CCNT2: variants seen among roughly 807,000 people sequenced by gnomAD.
CCNT2 encodes cyclin-T2.
CCNT2 carries 18 observed loss-of-function variants against 70.0 expected under a neutral mutation model. The ratio of observed to expected loss-of-function variants is 0.26; its 90% CI spans 0.18 to 0.38. The LOEUF is 0.38. Among genes scored for constraint, CCNT2 ranks in the 10% least tolerant of loss-of-function variants. The probability of loss-of-function intolerance (pLI) is 1.00; values close to 1 mark genes in which losing one functional copy is unlikely to be tolerated. For missense variants in CCNT2, 734 were observed against 890.2 expected (o/e 0.82, Z 2.23); for synonymous variants, 334 against 313.3 (o/e 1.07, Z -0.70).
At chr2:134,949,515 T>C (rs1682273509) in intron 7 of CCNT2, among the ~76,000 whole-genome samples, 1 of 152,228 alleles carries the variant, frequency 6.6e-6, no homozygotes, top group Non-Finnish European at 1.5e-5. Flanking sequence ...TTGTGAAATA[T>C]GCTTCTTTGT....
rs1451565603 is a variant in CCNT2, at chr2:134,953,373, A to G, written c.918A>G (p.Thr306=). The G allele has an allele frequency of 5.6e-6, 9 of 1,602,290 alleles. No homozygotes were observed. The highest frequency in any genetic ancestry group is 1.3e-5 in the African/African-American group (1 of 74,276). The change falls in exon 9 of 9, where the codon ACA becomes ACG. Residue 306 remains threonine, a synonymous_variant. Transcript: ENST00000264157. ...ACCCAAGTTTTCAGAAACCATCTAC[A>G]TCAGCATTCCCTGCGCCAGTACCTC... ...PTNPSFQKPS[T]SAFPAPVPLN...
intron 2 of CCNT2, chr2:134,920,182 A>T (rs902263351): frequency 4.0e-6 from 1 of 248,068 alleles, no homozygotes; most frequent in Non-Finnish European, 7.8e-6. Flanking sequence ...TTCTATACTT[A>T]ACATTTGAAT....
Position 134,954,635 on chromosome 2 carries a change from G to C in CCNT2, c.2180G>C (p.Gly727Ala), listed in dbSNP as rs143713034. 4.4e-6 allele frequency: 7 copies of C among 1,593,488 alleles called. No homozygotes were observed. The African/African-American group carries it at 8.1e-5, about 18-fold the overall frequency. ...CTGGACTCACTGTTAAGTGCCCAAG[G>C]AATGAACATGTAATAATTTGTTTAG... The part of the protein sequence containing the change: ...DMLDSLLSAQ[G>A]MNM Residue 727 changes from glycine (G) to alanine (A), a missense_variant, in exon 9 of 9, where the codon GGA (glycine) becomes GCA (alanine). By Grantham distance (60) the Gly-to-Ala change is moderately conservative. This residue lies in a region of CCNT2 where 532 missense variants were observed against 556.9 expected (regional missense o/e 0.96). Coordinates refer to ENST00000264157, the MANE Select transcript of CCNT2 (RefSeq NM_058241.3).
At chr2:134,950,338 G>C (rs1041827054) in intron 7 of CCNT2, among the ~76,000 whole-genome samples, 3 of 152,090 alleles carry the variant, frequency 2.0e-5, no homozygotes, top group African/African-American at 7.2e-5. Context: ...TTTTGCAGCA[G>C]CTTTTTTTTC....
rs1165489168 is a variant in CCNT2 at position 134,957,247 on chromosome 2, AT to A, written c.*2601del. Reference sequence around the variant, plus strand: ...AGAAAGACTCTGATGAGTGGACATTATTACTGTGACTCTTGTAAGTAGCCAT... The same window carrying A: ...AGAAAGACTCTGATGAGTGGACATTATACTGTGACTCTTGTAAGTAGCCAT... On this transcript the variant is annotated 3_prime_UTR_variant, in exon 9 of 9. Coordinates refer to ENST00000264157, the MANE Select transcript of CCNT2 (RefSeq NM_058241.3). 5.3e-5 allele frequency: 8 copies of A among 152,210 alleles called. No homozygotes were observed. 9.4% of individuals were successfully genotyped at this position (152,210 alleles called of 1,614,324 possible).
chr2:134,920,090 A>G (rs1679777531), intron 2 of CCNT2, 199 bp downstream of exon 2: 3 of 484,402 alleles, frequency 6.2e-6, no homozygotes, highest in Non-Finnish European at 1.1e-5. Context: ...AGGCACTGTT[A>G]AGCTCTGCCA....
At chr2:134,939,808 T>G (rs1681436111) in intron 4 of CCNT2, among the ~76,000 whole-genome samples, 1 of 152,204 alleles carries the variant, frequency 6.6e-6, no homozygotes, top group South Asian at 2.1e-4. Context: ...ATTTAAATGT[T>G]GGTCATCCTT....
At chr2:134,946,312 G>A in intron 6 of CCNT2, 166 bp downstream of exon 6, 1 of 1,159,764 alleles carries the variant, frequency 8.6e-7, no homozygotes, top group Non-Finnish European at 1.2e-6. Flanking sequence ...AAGGGACTTT[G>A]GGCACAGAGG....
At chr2:134,950,324 C>T (rs945828637) in intron 7 of CCNT2, among the ~76,000 whole-genome samples, 10 of 152,166 alleles carry the variant, frequency 6.6e-5, no homozygotes, top group Admixed American at 6.5e-4. Context: ...AGACTTTCAC[C>T]ATGTTTTGCA....
Position 134,953,530 on chromosome 2 carries a change from A to G in CCNT2, c.1075A>G (p.Arg359Gly). The G allele has an allele frequency of 6.2e-7, 1 of 1,614,214 alleles. No individual in the cohort carries two copies. The highest frequency in any genetic ancestry group is 8.5e-7 in the Non-Finnish European group (1 of 1,180,036). ...ATGGCCTCAACATCAAGACTCAGCA[A>G]GGACAGAACAGCTATATTCACAGAA... The part of the protein sequence containing the change: ...QEWPQHQDSA[R>G]TEQLYSQKQE... The change falls in exon 9 of 9, where the codon AGG (arginine) becomes GGG (glycine). Residue 359 changes from arginine to glycine, a missense_variant. Physicochemically the swap from Arg to Gly is moderately radical, Grantham distance 125. This residue lies in a region of CCNT2 where 532 missense variants were observed against 556.9 expected (regional missense o/e 0.96). Transcript: ENST00000264157.
chr2:134,937,665 C>G (rs996977187), intron 3 of CCNT2, among the ~76,000 whole-genome samples: 1 of 152,158 alleles, frequency 6.6e-6, no homozygotes, highest in Non-Finnish European at 1.5e-5. Flanking sequence ...CCTGTAATCC[C>G]AGCACTTTGG....
At position 134,954,109 on chromosome 2, in the gene CCNT2, A is replaced by G. The variant is rs1338436544; in HGVS notation, c.1654A>G (p.Ile552Val). Residue 552 changes from isoleucine (I) to valine (V), a missense_variant, in exon 9 of 9, where the codon ATT (isoleucine) becomes GTT (valine). This residue lies in a region of CCNT2 where 532 missense variants were observed against 556.9 expected (regional missense o/e 0.96). Transcript: ENST00000264157. ...SGKSKHSSPH[I>V]SRDHKEKHKE... ...GAAGAGCAAACATTCAAGCCCACAT[A>G]TTAGCAGAGACCATAAGGAGAAGCA... The G allele has an allele frequency of 8.1e-6, 13 of 1,614,204 alleles. No homozygotes were observed. The East Asian group carries it at 2.2e-4, about 28-fold the overall frequency.
chr2:134,929,870 C>G (rs1170229708), intron 2 of CCNT2, among the ~76,000 whole-genome samples: 1 of 151,646 alleles, frequency 6.6e-6, no homozygotes, highest in Non-Finnish European at 1.5e-5. Context: ...AGCCTGGTCT[C>G]GAACTCCTGA....
intron 2 of CCNT2, among the ~76,000 whole-genome samples, chr2:134,925,518 A>G (rs1680228666): frequency 6.6e-6 from 1 of 152,126 alleles, no homozygotes; most frequent in African/African-American, 2.4e-5. Context: ...GGAATCCTAC[A>G]GTATGTTGTC....
In CCNT2 at chr2:134,952,622, A is replaced by AT; in HGVS notation, c.704-16dup. 1 of 1,517,574 alleles carries AT rather than the reference A, an allele frequency of 6.6e-7. No homozygotes were observed. Among genetic ancestry groups the AT allele is most frequent in the Non-Finnish European group, 9.0e-7 (1 of 1,111,810 alleles). The allele number at this position is 1,517,574 out of a possible 1,614,324, so 94.0% of individuals were successfully genotyped here. ...CCTAAAGGCACCTTCTAAGTTTCAA[A>AT]TTTAAATTTTATTTTTAGAGCTAAC... On this transcript the variant is annotated intron_variant, in intron 7 of 8. Transcript: ENST00000264157.
intron 2 of CCNT2, among the ~76,000 whole-genome samples, chr2:134,928,709 A>G (rs1206007818): frequency 6.6e-6 from 1 of 151,940 alleles, no homozygotes; most frequent in East Asian, 1.9e-4. Flanking sequence ...CTAATCTTAA[A>G]CTGAGGGTTC....
chr2:134,946,582 T>G (rs1161118393), intron 6 of CCNT2: 2 of 213,972 alleles, frequency 9.3e-6, no homozygotes, highest in African/African-American at 2.3e-5. Context: ...TAAATAAAAT[T>G]TATGTAATTT....
chr2:134,949,458 G>A (rs1682269251), intron 7 of CCNT2, among the ~76,000 whole-genome samples: 1 of 152,158 alleles, frequency 6.6e-6, no homozygotes, highest in African/African-American at 2.4e-5. Flanking sequence ...ACAAAAATAG[G>A]TGGCCAGCCA....
chr2:134,953,251 C>G lies in CCNT2; in HGVS notation c.796C>G (p.Pro266Ala), dbSNP rs758870300. 1 of 1,608,248 alleles carries G rather than the reference C, an allele frequency of 6.2e-7. No individual in the cohort carries two copies. Among genetic ancestry groups the G allele is most frequent in the Non-Finnish European group, 8.5e-7 (1 of 1,175,080 alleles). ...NWRANQAARK[P>A]KVDGQVSETP... is the part of the protein sequence containing the mutation. ...ATAGGCTAATCAGGCAGCTAGGAAA[C>G]CAAAAGTAGATGGACAGGTATCAGA... The change falls in exon 9 of 9, where the codon CCA becomes GCA. Residue 266 changes from proline (P) to alanine (A), a missense_variant. By Grantham distance (27) the Pro-to-Ala change is conservative. Transcript: ENST00000264157.
Sources: gnomAD v4.1 joint callset for allele counts (sites outside exome capture counted in the v4.1 genomes callset) on GRCh38, gnomAD v4.1.1 for gene constraint, gnomAD v4.1.1 regional missense constraint, MANE v1.5 for transcripts, NCBI Gene and HGNC (gene_info 2026-07-23, HGNC 2026-07-21) for gene names.